Variants in PCID2 observed in about 807,000 individuals in gnomAD.
PCID2 encodes the protein PCI domain containing 2.
A neutral mutation model predicts 61.3 loss-of-function variants in PCID2; 41 were observed. The ratio of observed to expected loss-of-function variants is 0.67; its 90% CI spans 0.52 to 0.87. The LOEUF is 0.87. Among genes scored for constraint, PCID2 ranks in the 40% least tolerant of loss-of-function variants. The probability of loss-of-function intolerance (pLI) is 0.00; values close to 1 mark genes in which losing one functional copy is unlikely to be tolerated. For synonymous variants in PCID2, 187 were observed against 177.8 expected (o/e 1.05, Z -0.41); for missense variants, 392 against 493.4 (o/e 0.79, Z 1.95).
chr13:113,172,120 G>A, the PCID2 span: 2 of 1,611,740 alleles, frequency 1.2e-6, no homozygotes. Flanking sequence ...AACTCAGCTA[G>A]CCAGAATGAA....
chr13:113,170,223 A>G, the PCID2 span, among the ~76,000 whole-genome samples: 1 of 144,978 alleles, frequency 6.9e-6, no homozygotes, highest in Non-Finnish European at 1.5e-5. Context: ...AAAAGCTTAG[A>G]CTGTCAACAA....
intron 4 of PCID2, among the ~76,000 whole-genome samples, 190 bp from the exon 5 acceptor site, chr13:113,196,412 A>G (rs957864412): frequency 1.3e-5 from 2 of 152,242 alleles, no homozygotes; most frequent in East Asian, 3.8e-4. Flanking sequence ...CATTAGGCTC[A>G]AGTATACTAA....
chr13:113,197,856 T>C (rs1271960227), intron 3 of PCID2, among the ~76,000 whole-genome samples: 3 of 152,218 alleles, frequency 2.0e-5, no homozygotes, highest in Non-Finnish European at 4.4e-5. Context: ...ATTGTTTGCT[T>C]TGCTCAACTC....
chr13:113,178,266 A>G lies in PCID2; in HGVS notation c.1132T>C (p.Ser378Pro), dbSNP rs1184530971. The change falls in exon 14 of 14, where the codon TCG (serine) becomes CCG (proline). Residue 378 changes from serine (S) to proline (P), a missense_variant. Around this residue, in one of 3 missense-constraint regions of PCID2, gnomAD observed 226 missense variants for 296.5 expected, o/e 0.76. Transcript: ENST00000337344. Reference protein sequence around the residue: ...IYMGHVKGYISHQHQKLVVSK... With the variant: ...IYMGHVKGYIPHQHQKLVVSK... Reference sequence around the variant, plus strand: ...ACCACCAGCTTCTGATGCTGATGCGATATGTAGCCTTTGACGTGTCCCTGC... The same window carrying G: ...ACCACCAGCTTCTGATGCTGATGCGGTATGTAGCCTTTGACGTGTCCCTGC... 1.2e-6 allele frequency: 2 copies of G among 1,613,516 alleles called. No homozygotes were observed. Among genetic ancestry groups the G allele is most frequent in the South Asian group, 1.1e-5 (1 of 91,074 alleles).
At chr13:113,171,518 CCT>C in the PCID2 span, 116 of 1,594,288 alleles carry the variant, frequency 7.3e-5, no homozygotes, top group Admixed American at 2.2e-4. This position sits in a 1 kb window ranked among gnomAD's most constrained non-coding sequence, Gnocchi z 5.1. Context: ...CACGTGGCTC[CCT>C]GAGAAGCTCG....
At chr13:113,172,533 T>A in the PCID2 span, 7 of 305,706 alleles carry the variant, frequency 2.3e-5, no homozygotes, top group African/African-American at 1.3e-4. Flanking sequence ...CCTCCTCTGT[T>A]GGTTTACCAA....
chr13:113,196,573 A>T (rs1263687829), intron 4 of PCID2, among the ~76,000 whole-genome samples: 1 of 152,212 alleles, frequency 6.6e-6, no homozygotes, highest in African/African-American at 2.4e-5. Flanking sequence ...CATAAGGCTG[A>T]TTTTATCAAC....
At chr13:113,196,060 A>G (rs1199241444) in intron 5 of PCID2, 121 bp downstream of exon 5, 4 of 725,776 alleles carry the variant, frequency 5.5e-6, no homozygotes, top group Non-Finnish European at 9.9e-6. Context: ...ATATGTCAAC[A>G]CACTGATTAC....
intron 9 of PCID2, 57 bp downstream of exon 9, chr13:113,184,289 T>C: frequency 7.1e-7 from 1 of 1,411,302 alleles, no homozygotes; most frequent in South Asian, 1.2e-5. Flanking sequence ...TTATTCAAAG[T>C]TGTTCAGAAT....
chr13:113,172,006 G>T, the PCID2 span: 2 of 1,613,198 alleles, frequency 1.2e-6, no homozygotes, highest in Non-Finnish European at 1.7e-6. Flanking sequence ...GGTTTCTCAC[G>T]GGGGTCCTGG....
At chr13:113,205,627 T>C (rs1047455630) in intron 1 of PCID2, among the ~76,000 whole-genome samples, 5 of 152,096 alleles carry the variant, frequency 3.3e-5, no homozygotes, top group Admixed American at 6.5e-5. Flanking sequence ...ATAAACAAAA[T>C]ACTCCATACA....
intron 11 of PCID2, 33 bp from the exon 12 acceptor site, chr13:113,180,075 TGA>T (rs1430923836): frequency 6.2e-7 from 1 of 1,613,268 alleles, no homozygotes; most frequent in Non-Finnish European, 8.5e-7. Flanking sequence ...AGAAGGAGGG[TGA>T]GTTTCTCACA....
At chr13:113,176,660 G>A (rs2037196352), downstream of PCID2, among the ~76,000 whole-genome samples, 1 of 152,176 alleles carries the variant, frequency 6.6e-6, no homozygotes, top group South Asian at 2.1e-4. Context: ...CTACTTGGGA[G>A]GCTGAGGAGG....
chr13:113,167,042 GTTAT>G, the PCID2 span, among the ~76,000 whole-genome samples: 1 of 152,194 alleles, frequency 6.6e-6, no homozygotes, highest in African/African-American at 2.4e-5. Context: ...TTGTTCTGAA[GTTAT>G]TTAACTGAAT....
chr13:113,181,777 A>G (rs1427668846), intron 9 of PCID2, among the ~76,000 whole-genome samples: 1 of 152,246 alleles, frequency 6.6e-6, no homozygotes, highest in Non-Finnish European at 1.5e-5. Flanking sequence ...CTGTCCTGAG[A>G]GCAATATTAA....
At chr13:113,191,262 G>A (rs1029356047) in intron 6 of PCID2, among the ~76,000 whole-genome samples, 1 of 150,632 alleles carries the variant, frequency 6.6e-6, no homozygotes, top group Non-Finnish European at 1.5e-5. Flanking sequence ...CTGAACTTCT[G>A]ACTCCAAGTA....
Position 113,196,273 on chromosome 13 carries a change from C to A in PCID2, c.267-51G>T. The A allele has an allele frequency of 2.3e-6, 3 of 1,327,870 alleles. No individual in the cohort carries two copies. The highest frequency in any genetic ancestry group is 1.3e-5 in the South Asian group (1 of 77,150). 82.3% of individuals were successfully genotyped at this position (1,327,870 alleles called of 1,614,324 possible). A position where few individuals can be genotyped will look rare whatever the true frequency, so the allele number is the denominator to read the frequency against. ...TACAAAGTTCAAATAATGCTACGTACGATAAAAGTAAAGAATAAGAATCTA... is the reference window on the plus strand; with the variant it reads ...TACAAAGTTCAAATAATGCTACGTAAGATAAAAGTAAAGAATAAGAATCTA... On this transcript the variant is annotated intron_variant, in intron 4 of 13. Transcript: ENST00000337344.
intron 7 of PCID2, chr13:113,186,873 A>C (rs907006928): frequency 6.6e-6 from 1 of 152,272 alleles, no homozygotes; most frequent in Non-Finnish European, 1.5e-5. Context: ...CAAAAATACA[A>C]AAGTGCCCAG....
intron 1 of PCID2, among the ~76,000 whole-genome samples, chr13:113,206,455 C>T (rs2039832573): frequency 6.6e-6 from 1 of 152,116 alleles, no homozygotes; most frequent in African/African-American, 2.4e-5. Flanking sequence ...TGAGAGACTT[C>T]GGAGATACAT....
Sources: gnomAD v4.1 joint callset for allele counts (sites outside exome capture counted in the v4.1 genomes callset) on GRCh38, gnomAD v4.1.1 for gene constraint, gnomAD v4.1.1 regional missense constraint, Gnocchi (gnomAD v3.1) non-coding constraint, MANE v1.5 for transcripts, NCBI Gene and HGNC (gene_info 2026-07-23, HGNC 2026-07-21) for gene names.